Variants in CTXND1 observed in about 807,000 individuals in gnomAD.
CTXND1 encodes cortexin domain-containing 1 protein.
intron 1 of CTXND1, among the ~76,000 whole-genome samples, chr15:80,216,059 T>G (rs1418744624): frequency 3.3e-5 from 5 of 152,342 alleles, no homozygotes. Flanking sequence ...TGTTGAACAT[T>G]CTATGTTAAC....
chr15:80,247,702 A>G (rs1313502805), intron 1 of CTXND1, among the ~76,000 whole-genome samples: 82 of 152,198 alleles, frequency 5.4e-4, no homozygotes, highest in Non-Finnish European at 1.5e-5. Flanking sequence ...TTGATTAACA[A>G]TAATTTCCTT....
intron 1 of CTXND1, among the ~76,000 whole-genome samples, chr15:80,206,058 T>G (rs1323769084): frequency 6.6e-6 from 1 of 152,084 alleles, no homozygotes; most frequent in African/African-American, 2.4e-5. Context: ...AAATATATAC[T>G]CACCACCTAG....
chr15:80,215,797 A>T (rs72740082), intron 1 of CTXND1, among the ~76,000 whole-genome samples: 10,398 of 152,188 alleles, frequency 0.068, 484 homozygotes, highest in East Asian at 0.11. Context: ...TTTATCTCCA[A>T]GATGATTTCA....
At chr15:80,227,561 GAT>G (rs2142133284) in intron 1 of CTXND1, among the ~76,000 whole-genome samples, 1 of 152,210 alleles carries the variant, frequency 6.6e-6, no homozygotes, top group Admixed American at 6.5e-5. Context: ...ACAATAAAGT[GAT>G]ATTTTTGGTT....
chr15:80,217,521 C>CTTATTTATTTATTTATTTAT (rs67800490), intron 1 of CTXND1, among the ~76,000 whole-genome samples: 8 of 143,768 alleles, frequency 5.6e-5, no homozygotes, highest in South Asian at 2.3e-4. Context: ...CAATAGCTTG[C>CTTATTTATTTATTTATTTAT]TTATTTATTT....
At chr15:80,205,278 T>A (rs908752341) in intron 1 of CTXND1, among the ~76,000 whole-genome samples, 1 of 152,230 alleles carries the variant, frequency 6.6e-6, no homozygotes. Flanking sequence ...TCCAATCTTT[T>A]GTTTTTCATG....
chr15:80,202,639 C>A (rs1893093179), intron 2 of CTXND1, among the ~76,000 whole-genome samples: 1 of 152,140 alleles, frequency 6.6e-6, no homozygotes, highest in Non-Finnish European at 1.5e-5. Context: ...GCATAAGAAC[C>A]TAGATTTCAA....
Position 80,199,327 on chromosome 15 carries a change from G to T in CTXND1, c.*2443C>A, listed in dbSNP as rs1054457037. Reference sequence around the variant, plus strand: ...TCTAACAAGCTCCTCAAGTATTGCAGAGGCTGTTTGTCCTTCAACCACAGT... The same window carrying T: ...TCTAACAAGCTCCTCAAGTATTGCATAGGCTGTTTGTCCTTCAACCACAGT... On this transcript the variant is annotated 3_prime_UTR_variant, in exon 3 of 3. Transcript: ENST00000560778. The T allele has an allele frequency of 2.6e-5, 4 of 152,248 alleles. No individual in the cohort carries two copies. The highest frequency in any genetic ancestry group is 9.6e-5 in the African/African-American group (4 of 41,460). 9.4% of individuals were successfully genotyped at this position (152,248 alleles called of 1,614,324 possible). A position where few individuals can be genotyped will look rare whatever the true frequency, so the allele number is the denominator to read the frequency against.
chr15:80,219,531 C>T (rs1297984906), intron 1 of CTXND1, among the ~76,000 whole-genome samples: 1 of 152,156 alleles, frequency 6.6e-6, no homozygotes, highest in Non-Finnish European at 1.5e-5. Flanking sequence ...GAAGATTTTT[C>T]TAGGCTATGT....
chr15:80,248,706 C>G (rs374963741), intron 1 of CTXND1, among the ~76,000 whole-genome samples: 4 of 152,100 alleles, frequency 2.6e-5, no homozygotes, highest in South Asian at 2.1e-4. Flanking sequence ...CCAGGGTAGC[C>G]GGAGGGAACT....
intron 1 of CTXND1, among the ~76,000 whole-genome samples, chr15:80,240,976 A>G (rs1893558944): frequency 6.6e-6 from 1 of 152,206 alleles, no homozygotes; most frequent in Admixed American, 6.5e-5. Context: ...CTACAGAGAC[A>G]AGCTCTACTG....
At chr15:80,219,860 T>C (rs1893293104) in intron 1 of CTXND1, among the ~76,000 whole-genome samples, 1 of 152,232 alleles carries the variant, frequency 6.6e-6, no homozygotes, top group South Asian at 2.1e-4. Flanking sequence ...TCTTTCTCGT[T>C]TGTCTTTTAG....
chr15:80,245,111 G>A (rs866226949), intron 1 of CTXND1, among the ~76,000 whole-genome samples: 2 of 152,268 alleles, frequency 1.3e-5, no homozygotes, highest in Middle Eastern at 6.8e-3. Context: ...ATGCACTGAG[G>A]ACAGTATTAC....
chr15:80,245,888 T>G (rs1339208161), intron 1 of CTXND1, among the ~76,000 whole-genome samples: 1 of 152,064 alleles, frequency 6.6e-6, no homozygotes, highest in Admixed American at 6.6e-5. Flanking sequence ...CCCGCAAGCC[T>G]CATGAACACA....
At chr15:80,239,768 C>T (rs1295141628) in intron 1 of CTXND1, among the ~76,000 whole-genome samples, 2 of 152,116 alleles carry the variant, frequency 1.3e-5, no homozygotes, top group Non-Finnish European at 2.9e-5. Flanking sequence ...GAGTCCAGTC[C>T]CTTCAGCCAA....
chr15:80,206,791 A>G (rs755529690), intron 1 of CTXND1, among the ~76,000 whole-genome samples: 1 of 152,112 alleles, frequency 6.6e-6, no homozygotes, highest in Non-Finnish European at 1.5e-5. Context: ...TGTTATTTCT[A>G]CACGGTTAGG....
At chr15:80,249,794 A>T (rs1893673764) in intron 1 of CTXND1, among the ~76,000 whole-genome samples, 2 of 152,198 alleles carry the variant, frequency 1.3e-5, no homozygotes, top group African/African-American at 2.4e-5. Context: ...TGATTGTAGA[A>T]AGCATGTAAT....
chr15:80,227,239 T>C (rs1893382500), intron 1 of CTXND1, among the ~76,000 whole-genome samples: 1 of 152,220 alleles, frequency 6.6e-6, no homozygotes, highest in Non-Finnish European at 1.5e-5. Flanking sequence ...AATGTGCCTC[T>C]GTTTCCTATA....
At position 80,204,170 on chromosome 15, in the gene CTXND1, ATATATAT is replaced by A. The variant is rs1191836505; in HGVS notation, c.-217-437_-217-431del. 1.9e-3 allele frequency among the ~76,000 whole-genome samples: 77 copies of A among 39,582 alleles called. 1 individual carries two copies. The highest frequency in any genetic ancestry group is 4.5e-3 in the East Asian group (5 of 1,114). The allele number at this position is 39,582 out of a possible 152,430, so 26.0% of individuals were successfully genotyped here. A position where few individuals can be genotyped will look rare whatever the true frequency, so the allele number is the denominator to read the frequency against. ...TCAAAAAAAAAAAAAAAAAAAAAAA[ATATATAT>A]ATATATATATATATATATATATACA... is the stretch of plus-strand genomic sequence containing the variant. On this transcript the variant is annotated intron_variant, in intron 1 of 2. Coordinates refer to ENST00000560778, the MANE Select transcript of CTXND1 (RefSeq NM_001352888.2).
Sources: allele counts gnomAD v4.1 joint callset (sites outside exome capture counted in the v4.1 genomes callset), GRCh38; gene constraint gnomAD v4.1.1; transcripts MANE v1.5; gene names NCBI Gene and HGNC (gene_info 2026-07-23, HGNC 2026-07-21).